ANKRD44: variants seen among roughly 807,000 people sequenced by gnomAD.
ANKRD44 encodes the protein ankyrin repeat domain 44.
ANKRD44 carries 35 observed loss-of-function variants against 116.0 expected under a neutral mutation model. That is an observed-to-expected ratio of 0.30 (90% confidence interval 0.23 to 0.40). The LOEUF (loss-of-function observed/expected upper bound fraction) is 0.40, where lower values mean the gene tolerates loss of function less well. Ranked by LOEUF, ANKRD44 falls within the 10% of genes least tolerant of loss-of-function variation. The pLI is 1.00. For missense variants in ANKRD44, 1,014 were observed against 1,242.6 expected, an observed-to-expected ratio of 0.82 and a Z score of 2.77; for synonymous variants, 435 against 461.8, an observed-to-expected ratio of 0.94 and a Z score of 0.74.
At position 197,103,247 on chromosome 2, in the gene ANKRD44, A is replaced by G. The variant is rs920556210; in HGVS notation, c.986-3317T>C. Among the ~76,000 whole-genome samples, 22 of 140,544 alleles carry G rather than the reference A, an allele frequency of 1.6e-4. No homozygotes were observed. In the South Asian group the frequency reaches 5.1e-3, roughly 33 times the overall value. The allele number at this position is 140,544 out of a possible 152,430, so 92.2% of individuals were successfully genotyped here. Reference sequence around the variant, plus strand: ...CATCTCAAAAAAAAAAAAAAAAAAAATTGGGGGAGGAATGTATTAGTCTTT... The same window carrying G: ...CATCTCAAAAAAAAAAAAAAAAAAAGTTGGGGGAGGAATGTATTAGTCTTT... On this transcript the variant is annotated intron_variant, in intron 9 of 27. Transcript: ENST00000282272.
intron 2 of ANKRD44, among the ~76,000 whole-genome samples, chr2:197,150,000 A>G (rs2079601914): frequency 6.6e-6 from 1 of 152,204 alleles, no homozygotes; most frequent in Non-Finnish European, 1.5e-5. Context: ...GAAGAAACAA[A>G]TCTAGCTGGT....
At chr2:197,057,760 A>G (rs1574368217) in intron 16 of ANKRD44, among the ~76,000 whole-genome samples, 1 of 152,230 alleles carries the variant, frequency 6.6e-6, no homozygotes, top group East Asian at 1.9e-4. Flanking sequence ...CTGGAGGCTG[A>G]GGTGGGAGGA....
chr2:197,087,078 C>T (rs905968651), intron 12 of ANKRD44, among the ~76,000 whole-genome samples: 50 of 152,242 alleles, frequency 3.3e-4, no homozygotes, highest in Admixed American at 1.1e-3. Context: ...TTTCCAAAAC[C>T]GTCAAGAGTT....
intron 1 of ANKRD44, among the ~76,000 whole-genome samples, chr2:197,292,908 T>C (rs1462665917): frequency 6.6e-6 from 1 of 152,140 alleles, no homozygotes; most frequent in Non-Finnish European, 1.5e-5. Flanking sequence ...AAAAAAATGG[T>C]GAGTAAAACA....
rs73988080 is a variant in ANKRD44, at chr2:197,005,914, A to T, written c.2131-4T>A. Reference sequence around the variant, plus strand: ...ATTCCTCGTGTCCTGTCATAATCTGATGCATTGTAATTAAAAACACAAAAC... The same window carrying T: ...ATTCCTCGTGTCCTGTCATAATCTGTTGCATTGTAATTAAAAACACAAAAC... On this transcript the variant is annotated splice_region_variant and splice_polypyrimidine_tract_variant and intron_variant, in intron 20 of 27. Transcript: ENST00000282272. The T allele has an allele frequency of 4.5e-3, 7,218 of 1,613,726 alleles. 294 individuals are homozygous for T. In the African/African-American group the frequency reaches 0.087, roughly 19 times the overall value.
chr2:197,106,180 G>A (rs976815418), intron 9 of ANKRD44, among the ~76,000 whole-genome samples: 1 of 152,186 alleles, frequency 6.6e-6, no homozygotes, highest in African/African-American at 2.4e-5. Flanking sequence ...GGTGACTCAC[G>A]CCTGTAATCC....
At chr2:196,970,949 C>T (rs914117206) in intron 21 of ANKRD44, among the ~76,000 whole-genome samples, 9 of 152,172 alleles carry the variant, frequency 5.9e-5, no homozygotes, top group African/African-American at 1.7e-4. Context: ...GTGATCCTCC[C>T]GCCTCGGCCT....
At chr2:197,274,163 G>T (rs1166125300) in intron 1 of ANKRD44, among the ~76,000 whole-genome samples, 2 of 151,538 alleles carry the variant, frequency 1.3e-5, no homozygotes, top group Non-Finnish European at 2.9e-5. Context: ...AGGGGACCTG[G>T]CACTTAGAAG....
At chr2:197,122,516 A>G (rs1559081337) in intron 7 of ANKRD44, 134 bp downstream of exon 7, 1 of 1,243,146 alleles carries the variant, frequency 8.0e-7, no homozygotes, top group East Asian at 2.5e-5. Flanking sequence ...GTTGCCCACA[A>G]AAACTCAAAA....
chr2:196,998,875 A>T, intron 24 of ANKRD44, 32 bp downstream of exon 24: 1 of 1,608,426 alleles, frequency 6.2e-7, no homozygotes, highest in Non-Finnish European at 8.5e-7. Context: ...TTGCATGGGC[A>T]TAAGGGCAAA....
intron 7 of ANKRD44, among the ~76,000 whole-genome samples, chr2:197,122,073 G>A (rs888947023): frequency 3.3e-5 from 5 of 152,122 alleles, no homozygotes; most frequent in Non-Finnish European, 2.9e-5. Flanking sequence ...CAGTGGTGCC[G>A]TCAGGAGGTG....
At chr2:197,309,923 A>C (rs1317183107) in intron 1 of ANKRD44, among the ~76,000 whole-genome samples, 1 of 152,068 alleles carries the variant, frequency 6.6e-6, no homozygotes, top group Admixed American at 6.5e-5. Flanking sequence ...AAGCTGGTAG[A>C]CACAGGCAGA....
intron 16 of ANKRD44, among the ~76,000 whole-genome samples, chr2:197,057,398 G>A (rs891697198): frequency 1.3e-5 from 2 of 152,102 alleles, no homozygotes; most frequent in Non-Finnish European, 2.9e-5. Flanking sequence ...AGAATTGTCA[G>A]TACTTTTTCA....
intron 1 of ANKRD44, among the ~76,000 whole-genome samples, chr2:197,263,934 C>T (rs1325848676): frequency 7.9e-6 from 1 of 126,252 alleles, no homozygotes; most frequent in African/African-American, 3.0e-5. Context: ...AAGATGTTTT[C>T]AACTTCCAGG....
At chr2:197,072,749 T>C (rs1352068646) in intron 16 of ANKRD44, among the ~76,000 whole-genome samples, 4 of 152,202 alleles carry the variant, frequency 2.6e-5, no homozygotes, top group Non-Finnish European at 4.4e-5. Context: ...TCAGCATTAA[T>C]TTTTTCCTGA....
chr2:197,239,759 G>A (rs61298568), intron 1 of ANKRD44, among the ~76,000 whole-genome samples: 15,956 of 152,114 alleles, frequency 0.1, 904 homozygotes, highest in Non-Finnish European at 0.13. Context: ...TTATAGACCT[G>A]CCAGTTCTAT....
intron 16 of ANKRD44, among the ~76,000 whole-genome samples, chr2:197,074,820 C>T (rs1452981607): frequency 1.3e-5 from 2 of 152,036 alleles, no homozygotes; most frequent in African/African-American, 2.4e-5. Context: ...TATTCAGAGC[C>T]GGGTGGTAAT....
Position 196,989,437 on chromosome 2 carries a change from G to T in ANKRD44, c.*154C>A. 1 of 1,261,550 alleles carries T rather than the reference G, an allele frequency of 7.9e-7. No individual in the cohort carries two copies. The highest frequency in any genetic ancestry group is 1.0e-6 in the Non-Finnish European group (1 of 1,000,772). 78.1% of individuals were successfully genotyped at this position (1,261,550 alleles called of 1,614,324 possible). ...CTACTTCAGTTCTCACTTGCATTTT[G>T]AAGGAAAAAAATGTGTATCTTCCAT... On this transcript the variant is annotated 3_prime_UTR_variant, in exon 28 of 28. Coordinates refer to ENST00000282272, the MANE Select transcript of ANKRD44 (RefSeq NM_001195144.2).
At position 197,136,098 on chromosome 2, in the gene ANKRD44, C is replaced by G. The variant is rs969319170; in HGVS notation, c.261+494G>C. 1.8e-5 allele frequency: 3 copies of G among 165,594 alleles called. No individual in the cohort carries two copies. The South Asian group carries it at 4.6e-4, about 25-fold the overall frequency. The allele number at this position is 165,594 out of a possible 1,614,324, so 10.3% of individuals were successfully genotyped here. A position where few individuals can be genotyped will look rare whatever the true frequency, so the allele number is the denominator to read the frequency against. ...TGCCATCTGGCCCAACCTCCACTAT[C>G]AGATTTACCTTCTACTATAGCCTGA... On this transcript the variant is annotated intron_variant, in intron 4 of 27. Transcript: ENST00000282272.
Sources: gnomAD v4.1 joint callset for allele counts (sites outside exome capture counted in the v4.1 genomes callset) on GRCh38, gnomAD v4.1.1 for gene constraint, MANE v1.5 for transcripts, NCBI Gene and HGNC (gene_info 2026-07-23, HGNC 2026-07-21) for gene names.